Variants in AKAP6 observed in about 807,000 individuals in gnomAD.
AKAP6 encodes the protein A-kinase anchor protein 6.
In AKAP6, 58 loss-of-function variants were observed where a neutral mutation model predicts 188.5. The observed-to-expected ratio is 0.31, with a 90% CI of 0.25 to 0.38. The LOEUF is 0.38. Among genes scored for constraint, AKAP6 ranks in the 10% least tolerant of loss-of-function variants. AKAP6 has a pLI of 1.00. For missense variants in AKAP6, 2,710 were observed against 2,740.0 expected, an observed-to-expected ratio of 0.99 and a Z score of 0.24; for synonymous variants, 989 against 998.6, an observed-to-expected ratio of 0.99 and a Z score of 0.18.
chr14:32,779,805 A>C (rs1253725467), intron 12 of AKAP6, among the ~76,000 whole-genome samples: 1 of 152,166 alleles, frequency 6.6e-6, no homozygotes, highest in African/African-American at 2.4e-5. Flanking sequence ...ACTATAAAGC[A>C]ATTTAATTGG....
chr14:32,802,153 T>A (rs1391036642), intron 12 of AKAP6, among the ~76,000 whole-genome samples: 2 of 152,208 alleles, frequency 1.3e-5, no homozygotes, highest in African/African-American at 4.8e-5. Context: ...TTGGGATATT[T>A]TATTCTTTTT....
At chr14:32,404,553 A>C (rs1210305640) in intron 1 of AKAP6, among the ~76,000 whole-genome samples, 1 of 151,270 alleles carries the variant, frequency 6.6e-6, no homozygotes, top group Admixed American at 6.6e-5. Flanking sequence ...CAATTAAATA[A>C]CTAATATCAA....
chr14:32,470,248 C>T (rs984580891), intron 2 of AKAP6, among the ~76,000 whole-genome samples: 5 of 152,132 alleles, frequency 3.3e-5, no homozygotes, highest in Admixed American at 2.6e-4. Flanking sequence ...GGATTCTTGT[C>T]TCCCTGCATT....
At chr14:32,342,098 T>A (rs1470725235) in intron 1 of AKAP6, among the ~76,000 whole-genome samples, 1 of 152,202 alleles carries the variant, frequency 6.6e-6, no homozygotes, top group African/African-American at 2.4e-5. Context: ...AGTCTCTACC[T>A]TTTCTCTGGA....
chr14:32,460,786 C>T (rs1430266946), intron 2 of AKAP6, among the ~76,000 whole-genome samples: 1 of 152,248 alleles, frequency 6.6e-6, no homozygotes, highest in Non-Finnish European at 1.5e-5. Flanking sequence ...GCGGGCCCCA[C>T]TCCCATGGAG....
At chr14:32,522,835 A>G (rs1240668770) in intron 2 of AKAP6, among the ~76,000 whole-genome samples, 1 of 152,236 alleles carries the variant, frequency 6.6e-6, no homozygotes, top group Non-Finnish European at 1.5e-5. Flanking sequence ...CCATCCCATT[A>G]CTGGGTATAT....
intron 2 of AKAP6, among the ~76,000 whole-genome samples, chr14:32,450,937 T>G (rs1437101298): frequency 6.6e-6 from 1 of 152,182 alleles, no homozygotes; most frequent in Non-Finnish European, 1.5e-5. Context: ...TACTATATCA[T>G]TTATAATAGT....
At chr14:32,615,511 T>C (rs1355087115) in intron 7 of AKAP6, among the ~76,000 whole-genome samples, 3 of 151,844 alleles carry the variant, frequency 2.0e-5, no homozygotes, top group Non-Finnish European at 4.4e-5. Context: ...CTGTTGAGTA[T>C]TATGTAATTT....
intron 11 of AKAP6, among the ~76,000 whole-genome samples, chr14:32,743,192 C>A (rs1429137187): frequency 6.6e-6 from 1 of 152,070 alleles, no homozygotes; most frequent in Non-Finnish European, 1.5e-5. Context: ...GCTACTCCTC[C>A]TCTTTTTTGG....
intron 1 of AKAP6, among the ~76,000 whole-genome samples, chr14:32,419,559 T>C (rs953156477): frequency 6.6e-6 from 1 of 152,156 alleles, no homozygotes; most frequent in African/African-American, 2.4e-5. Context: ...CCTGATTCAA[T>C]TGTCTTAAAA....
chr14:32,385,968 A>G (rs1409475570), intron 1 of AKAP6, among the ~76,000 whole-genome samples: 1 of 146,380 alleles, frequency 6.8e-6, no homozygotes, highest in African/African-American at 2.5e-5. Context: ...TATACAGTTC[A>G]TATATTATAT....
chr14:32,801,676 TG>T (rs1426042120), intron 12 of AKAP6, among the ~76,000 whole-genome samples: 1 of 152,232 alleles, frequency 6.6e-6, no homozygotes, highest in African/African-American at 2.4e-5. Context: ...TAATATTTTT[TG>T]TAGGGCAGTT....
At chr14:32,513,417 C>T (rs1244907236) in intron 2 of AKAP6, among the ~76,000 whole-genome samples, 1 of 152,180 alleles carries the variant, frequency 6.6e-6, no homozygotes, top group African/African-American at 2.4e-5. Context: ...TGTTATTTAT[C>T]TGTATACCTG....
chr14:32,710,494 T>A (rs1190782327), intron 9 of AKAP6, among the ~76,000 whole-genome samples: 1 of 152,026 alleles, frequency 6.6e-6, no homozygotes, highest in Non-Finnish European at 1.5e-5. Context: ...ACACAACATT[T>A]CAAGGGAACA....
intron 1 of AKAP6, among the ~76,000 whole-genome samples, chr14:32,344,681 C>T (rs1282719849): frequency 2.0e-5 from 3 of 151,936 alleles, no homozygotes; most frequent in Non-Finnish European, 4.4e-5. Context: ...TTTGGGAGGC[C>T]GAGGCAGTCA....
At chr14:32,691,551 T>A (rs546569370) in intron 8 of AKAP6, among the ~76,000 whole-genome samples, 1 of 152,234 alleles carries the variant, frequency 6.6e-6, no homozygotes, top group African/African-American at 2.4e-5. Flanking sequence ...CAATAATTTA[T>A]TTCTGATTTG....
In AKAP6 at chr14:32,523,138, G is replaced by C. The variant is rs1449400869; in HGVS notation, c.325-12416G>C. Among the ~76,000 whole-genome samples, 4 of 151,214 alleles carry C rather than the reference G, an allele frequency of 2.6e-5. No individual in the cohort carries two copies. In the East Asian group the frequency reaches 7.8e-4, roughly 29 times the overall value. ...TGGGAATTGAACAATGAGAACACTT[G>C]GACACAGGGTGGGGAACATCACACA... On this transcript the variant is annotated intron_variant, in intron 2 of 13. Transcript: ENST00000280979.
chr14:32,714,415 A>G (rs1594873937), intron 9 of AKAP6, among the ~76,000 whole-genome samples: 2 of 152,062 alleles, frequency 1.3e-5, no homozygotes, highest in Admixed American at 6.6e-5. Context: ...GTAAGGCATA[A>G]TAAAACCAAG....
chr14:32,369,876 C>T (rs1052381068), intron 1 of AKAP6, among the ~76,000 whole-genome samples: 1 of 152,056 alleles, frequency 6.6e-6, no homozygotes, highest in Admixed American at 6.6e-5. Context: ...ACTAAAAATA[C>T]AAAAATTAGC....
Sources: allele counts gnomAD v4.1 joint callset (sites outside exome capture counted in the v4.1 genomes callset), GRCh38; gene constraint gnomAD v4.1.1; transcripts MANE v1.5; gene names NCBI Gene and HGNC (gene_info 2026-07-23, HGNC 2026-07-21).